Variants in LRCH1 observed in about 807,000 individuals in gnomAD.
The protein encoded by LRCH1 is leucine rich repeats and calponin homology domain containing 1.
A neutral mutation model predicts 94.9 loss-of-function variants in LRCH1; 23 were observed. The observed-to-expected ratio is 0.24, with a 90% CI of 0.17 to 0.34. The LOEUF is 0.34. Among genes scored for constraint, LRCH1 ranks in the 10% least tolerant of loss-of-function variants. The probability of loss-of-function intolerance (pLI) is 1.00; values close to 1 mark genes in which losing one functional copy is unlikely to be tolerated. For missense variants in LRCH1, 790 were observed against 945.9 expected (o/e 0.84, Z 2.16); for synonymous variants, 364 against 354.9 (o/e 1.03, Z -0.29).
intron 2 of LRCH1, among the ~76,000 whole-genome samples, chr13:46,660,185 G>T (rs1226274448): frequency 1.3e-5 from 2 of 151,720 alleles, no homozygotes; most frequent in African/African-American, 2.4e-5. Flanking sequence ...CTAATTTTTT[G>T]TATTTTTTTT....
At chr13:46,715,730 A>T in intron 16 of LRCH1, 66 bp downstream of exon 16, 1 of 925,438 alleles carries the variant, frequency 1.1e-6, no homozygotes, top group South Asian at 1.4e-5. Context: ...CTGAACATTC[A>T]TCTCTGTGCA....
Position 46,705,800 on chromosome 13 carries a change from G to A in LRCH1, c.1527+496G>A, listed in dbSNP as rs117542502. ...TGGTGATATTTGAAGACAGGGTAAG[G>A]ATGGGTTCAGTAGAGTTACATGGAG... On this transcript the variant is annotated intron_variant, in intron 13 of 19. Transcript: ENST00000389797. Among the ~76,000 whole-genome samples the A allele has an allele frequency of 1.3e-3, 200 of 152,318 alleles. 1 individual carries two copies. Among genetic ancestry groups the A allele is most frequent in the Non-Finnish European group, 2.4e-3 (162 of 68,010 alleles).
At chr13:46,559,071 G>A (rs1021613367) in intron 1 of LRCH1, among the ~76,000 whole-genome samples, 11 of 152,206 alleles carry the variant, frequency 7.2e-5, no homozygotes, top group Non-Finnish European at 1.6e-4. Context: ...AAGCAATGGA[G>A]TCCTTGGGAT....
At chr13:46,579,100 A>G (rs2050336559) in intron 1 of LRCH1, among the ~76,000 whole-genome samples, 1 of 152,172 alleles carries the variant, frequency 6.6e-6, no homozygotes, top group Non-Finnish European at 1.5e-5. Context: ...AAGAATTTGT[A>G]TGTAGCCCTT....
chr13:46,647,093 A>T (rs2138073094), intron 1 of LRCH1, among the ~76,000 whole-genome samples: 1 of 150,302 alleles, frequency 6.7e-6, no homozygotes, highest in East Asian at 1.9e-4. Context: ...AGGCTGGGTG[A>T]CAGAGTGAGA....
chr13:46,555,448 G>A (rs973491025), intron 1 of LRCH1, among the ~76,000 whole-genome samples: 4 of 152,208 alleles, frequency 2.6e-5, no homozygotes, highest in Non-Finnish European at 4.4e-5. Flanking sequence ...TGATGTGTCT[G>A]CTGTGTTGGC....
Position 46,744,346 on chromosome 13 carries a change from T to C in LRCH1, c.*2498T>C. 1 of 985,452 alleles carries C rather than the reference T, an allele frequency of 1.0e-6. No individual in the cohort carries two copies. The highest frequency in any genetic ancestry group is 1.2e-6 in the Non-Finnish European group (1 of 829,922). The allele number at this position is 985,452 out of a possible 1,614,324, so 61.0% of individuals were successfully genotyped here. On this transcript the variant is annotated 3_prime_UTR_variant, in exon 20 of 20. Transcript: ENST00000389797. ...TAGATAAAAGGAGCCAAGTATCTAT[T>C]TACATTTTATTTTGAAATAGCCATT...
At chr13:46,573,934 C>G (rs1324552143) in intron 1 of LRCH1, among the ~76,000 whole-genome samples, 1 of 143,590 alleles carries the variant, frequency 7.0e-6, no homozygotes, top group African/African-American at 2.6e-5. Context: ...ATGATCTCAG[C>G]TCACTGCAAC....
intron 17 of LRCH1, among the ~76,000 whole-genome samples, chr13:46,725,590 G>C (rs1467040132): frequency 3.3e-5 from 5 of 152,136 alleles, no homozygotes; most frequent in South Asian, 2.1e-4. Context: ...TTCTACAAAT[G>C]AGCAGTGAGC....
intron 1 of LRCH1, among the ~76,000 whole-genome samples, chr13:46,619,728 C>T (rs1263411529): frequency 6.6e-6 from 1 of 152,166 alleles, no homozygotes; most frequent in African/African-American, 2.4e-5. Context: ...ACTTTGACCA[C>T]TACTGTTGTT....
In LRCH1 at chr13:46,689,123, T is replaced by G; in HGVS notation, c.951-10T>G. Reference sequence around the variant, plus strand: ...TTAAATGAATTCAATATTGATGGCATCTATCTCAGCAAGAAGGATTCTGAT... The same window carrying G: ...TTAAATGAATTCAATATTGATGGCAGCTATCTCAGCAAGAAGGATTCTGAT... On this transcript the variant is annotated splice_polypyrimidine_tract_variant and intron_variant, in intron 6 of 19. Coordinates refer to ENST00000389797, the MANE Select transcript of LRCH1 (RefSeq NM_001164211.2). 6.2e-7 allele frequency: 1 copy of G among 1,602,996 alleles called. No individual in the cohort carries two copies.
At chr13:46,569,536 G>A (rs558919981) in intron 1 of LRCH1, among the ~76,000 whole-genome samples, 11 of 152,234 alleles carry the variant, frequency 7.2e-5, no homozygotes, top group African/African-American at 2.6e-4. Flanking sequence ...CCAGGACCAT[G>A]TGGCGTATCA....
intron 1 of LRCH1, among the ~76,000 whole-genome samples, chr13:46,629,319 AAAT>A (rs1317586096): frequency 6.6e-6 from 1 of 152,190 alleles, no homozygotes; most frequent in Non-Finnish European, 1.5e-5. Flanking sequence ...TTTTATTTTT[AAAT>A]CTCACCTGTT....
intron 1 of LRCH1, among the ~76,000 whole-genome samples, chr13:46,595,557 C>T (rs968818141): frequency 2.6e-5 from 4 of 152,226 alleles, no homozygotes; most frequent in African/African-American, 9.6e-5. Flanking sequence ...CTGAGCATAT[C>T]CAGCTGGGGC....
At chr13:46,694,392 GCTGTT>G in intron 8 of LRCH1, among the ~76,000 whole-genome samples, 1 of 152,210 alleles carries the variant, frequency 6.6e-6, no homozygotes, top group South Asian at 2.1e-4. Flanking sequence ...CACTTCTTTT[GCTGTT>G]ATGATTTGGG....
At chr13:46,739,381 G>T (rs547811221) in intron 19 of LRCH1, among the ~76,000 whole-genome samples, 16 of 152,290 alleles carry the variant, frequency 1.1e-4, no homozygotes, top group South Asian at 6.2e-4. Context: ...GGCTTGCAGT[G>T]ATTACAAATG....
At chr13:46,741,292 C>T (rs1873639419) in intron 19 of LRCH1, among the ~76,000 whole-genome samples, 1 of 152,056 alleles carries the variant, frequency 6.6e-6, no homozygotes, top group African/African-American at 2.4e-5. Context: ...GTTGAAATGT[C>T]CCACGTGAAA....
intron 7 of LRCH1, 51 bp from the exon 8 acceptor site, chr13:46,692,485 C>A: frequency 8.0e-7 from 1 of 1,253,518 alleles, no homozygotes; most frequent in Non-Finnish European, 1.2e-6. Flanking sequence ...TTCTCCTTAT[C>A]TACATTGATA....
Position 46,617,021 on chromosome 13 carries a change from G to T in LRCH1, c.308-33180G>T, listed in dbSNP as rs368793557. On this transcript the variant is annotated intron_variant, in intron 1 of 19. Coordinates refer to ENST00000389797, the MANE Select transcript of LRCH1 (RefSeq NM_001164211.2). ...AAATCACAATGGTGGAATGTCATCA[G>T]TTAAGGCTATTTTTACTTCTTTTGT... is the stretch of plus-strand genomic sequence containing the variant. Among the ~76,000 whole-genome samples, 472 of 152,304 alleles carry T rather than the reference G, an allele frequency of 3.1e-3. 3 individuals carry two copies. The highest frequency in any genetic ancestry group is 0.02 in the South Asian group (94 of 4,818).
Sources: gnomAD v4.1 joint callset for allele counts (sites outside exome capture counted in the v4.1 genomes callset) on GRCh38, gnomAD v4.1.1 for gene constraint, MANE v1.5 for transcripts, NCBI Gene and HGNC (gene_info 2026-07-23, HGNC 2026-07-21) for gene names.